Variants in KIAA1549L observed in about 807,000 individuals in gnomAD.
The protein encoded by KIAA1549L is KIAA1549 like, also known as UPF0606 protein KIAA1549L.
KIAA1549L carries 88 observed loss-of-function variants against 160.7 expected under a neutral mutation model. That is an observed-to-expected ratio of 0.55 (90% confidence interval 0.46 to 0.65). The LOEUF (loss-of-function observed/expected upper bound fraction) is 0.65, where lower values mean the gene tolerates loss of function less well. Among genes scored for constraint, KIAA1549L ranks in the 30% least tolerant of loss-of-function variants. The probability of loss-of-function intolerance (pLI) is 0.00; values close to 1 mark genes in which losing one functional copy is unlikely to be tolerated. For missense variants in KIAA1549L, 2,258 were observed against 2,437.5 expected (o/e 0.93, Z 1.55); for synonymous variants, 950 against 976.7 (o/e 0.97, Z 0.51).
chr11:33,402,812 C>A (rs1238524633), intron 1 of KIAA1549L, among the ~76,000 whole-genome samples: 2 of 150,948 alleles, frequency 1.3e-5, no homozygotes, highest in Non-Finnish European at 2.9e-5. Flanking sequence ...CTCCTGCCAC[C>A]CCCCCTAGCT....
chr11:33,432,912 A>G (rs1851279401), intron 1 of KIAA1549L, among the ~76,000 whole-genome samples: 1 of 152,254 alleles, frequency 6.6e-6, no homozygotes, highest in African/African-American at 2.4e-5. Flanking sequence ...CCCCTTCCTT[A>G]TACCTTATGC....
chr11:33,532,538 G>A (rs1853797870), intron 1 of KIAA1549L, among the ~76,000 whole-genome samples: 3 of 152,178 alleles, frequency 2.0e-5, no homozygotes. Context: ...TACAGATAAG[G>A]AAACTGGCAC....
chr11:33,579,213 G>A (rs1855555474), intron 10 of KIAA1549L, among the ~76,000 whole-genome samples: 1 of 152,164 alleles, frequency 6.6e-6, no homozygotes, highest in Non-Finnish European at 1.5e-5. Flanking sequence ...GAGATTAAAA[G>A]AGATAATTGT....
At chr11:33,646,181 A>G in intron 17 of KIAA1549L, 145 bp downstream of exon 17, 1 of 665,004 alleles carries the variant, frequency 1.5e-6, no homozygotes, top group Non-Finnish European at 2.6e-6. Context: ...CCATCATCCC[A>G]TCTTCCACCC....
At chr11:33,492,380 A>G (rs537683881) in intron 1 of KIAA1549L, among the ~76,000 whole-genome samples, 7 of 152,134 alleles carry the variant, frequency 4.6e-5, no homozygotes, top group Non-Finnish European at 1.0e-4. Flanking sequence ...AAAACCCCAA[A>G]AAGAACAATT....
At position 33,583,452 on chromosome 11, in the gene KIAA1549L, A is replaced by G; in HGVS notation, c.4517A>G (p.Lys1506Arg). Residue 1506 changes from lysine (K) to arginine (R), a missense_variant, in exon 11 of 21, where the codon AAG becomes AGG. Around this residue, in one of 6 missense-constraint regions of KIAA1549L, gnomAD observed 1,359 missense variants for 1,546.6 expected, o/e 0.88. Transcript: ENST00000658780. ...ACTGCCGTGCTCTGCAGGAAGAACAAGAACGACTTCAAGCCTGACACCATG... is the reference window on the plus strand; with the variant it reads ...ACTGCCGTGCTCTGCAGGAAGAACAGGAACGACTTCAAGCCTGACACCATG... ...IITAVLCRKNKNDFKPDTMIN... is the reference protein window; with the variant it reads ...IITAVLCRKNRNDFKPDTMIN... The G allele has an allele frequency of 1.9e-6, 3 of 1,588,076 alleles. No individual in the cohort carries two copies. In the South Asian group the frequency reaches 3.5e-5, roughly 18 times the overall value.
intron 1 of KIAA1549L, among the ~76,000 whole-genome samples, chr11:33,393,964 CT>C (rs1310214812): frequency 6.6e-6 from 1 of 152,140 alleles, no homozygotes; most frequent in Non-Finnish European, 1.5e-5. Context: ...CTCTTTAAAC[CT>C]TTTTGACCAT....
chr11:33,598,384 A>G (rs1163944808), intron 12 of KIAA1549L, among the ~76,000 whole-genome samples: 2 of 152,232 alleles, frequency 1.3e-5, no homozygotes, highest in Non-Finnish European at 2.9e-5. Flanking sequence ...GTCAAAGTCT[A>G]TGTGGTAAAG....
chr11:33,551,246 C>A lies in KIAA1549L; in HGVS notation c.3708C>A (p.Phe1236Leu). 6.2e-7 allele frequency: 1 copy of A among 1,612,994 alleles called. No individual in the cohort carries two copies. The highest frequency in any genetic ancestry group is 8.5e-7 in the Non-Finnish European group (1 of 1,179,752). Residue 1236 changes from phenylalanine to leucine, a missense_variant, in exon 5 of 21, where the codon TTC (phenylalanine) becomes TTA (leucine). Physicochemically the swap from Phe to Leu is conservative, Grantham distance 22. Coordinates refer to ENST00000658780, the MANE Select transcript of KIAA1549L (RefSeq NM_012194.3). ...SPWNPQPAGYFQLKTVLQFVS... is the reference protein window; with the variant it reads ...SPWNPQPAGYLQLKTVLQFVS... ...GGAATCCCCAGCCTGCAGGCTACTT[C>A]CAGCTAAAAACAGGCAAGTGACTCG...
intron 1 of KIAA1549L, among the ~76,000 whole-genome samples, chr11:33,535,104 G>A (rs1423400325): frequency 6.6e-6 from 1 of 152,144 alleles, no homozygotes; most frequent in Non-Finnish European, 1.5e-5. Flanking sequence ...CCACTTCCAA[G>A]CTCACTCAGG....
In KIAA1549L at chr11:33,586,865, T is replaced by A. The variant is rs2133277149; in HGVS notation, c.4566+3364T>A. 2.0e-5 allele frequency among the ~76,000 whole-genome samples: 3 copies of A among 152,298 alleles called. No homozygotes were observed. In the South Asian group the frequency reaches 6.2e-4, roughly 32 times the overall value. Reference sequence around the variant, plus strand: ...TAATACCTACCTTCTTGAACTATAGTGAAGATGCAATGAGAAAAGTTATGT... The same window carrying A: ...TAATACCTACCTTCTTGAACTATAGAGAAGATGCAATGAGAAAAGTTATGT... On this transcript the variant is annotated intron_variant, in intron 11 of 20. Coordinates refer to ENST00000658780, the MANE Select transcript of KIAA1549L (RefSeq NM_012194.3).
intron 17 of KIAA1549L, among the ~76,000 whole-genome samples, chr11:33,646,399 T>C (rs1366503042): frequency 1.3e-5 from 2 of 152,186 alleles, no homozygotes; most frequent in African/African-American, 2.4e-5. Flanking sequence ...AGCCACATGC[T>C]AAGGGGTTGT....
At chr11:33,505,009 G>A (rs532821716) in intron 1 of KIAA1549L, among the ~76,000 whole-genome samples, 4 of 151,848 alleles carry the variant, frequency 2.6e-5, no homozygotes, top group East Asian at 2.0e-4. Context: ...CAAGCCATCC[G>A]CCTGCCTCAG....
chr11:33,437,594 T>C (rs2132937256), intron 1 of KIAA1549L, among the ~76,000 whole-genome samples: 1 of 152,330 alleles, frequency 6.6e-6, no homozygotes, highest in Admixed American at 6.5e-5. Context: ...GTTGTGAGGA[T>C]GAGAAATGTT....
chr11:33,628,740 A>G (rs576555598), intron 16 of KIAA1549L, among the ~76,000 whole-genome samples: 6 of 150,524 alleles, frequency 4.0e-5, no homozygotes, highest in Admixed American at 2.0e-4. Flanking sequence ...TCTTTATCCA[A>G]TTTGCCAGTC....
chr11:33,620,518 C>T (rs186466969), intron 16 of KIAA1549L, among the ~76,000 whole-genome samples: 4 of 152,316 alleles, frequency 2.6e-5, no homozygotes, highest in Admixed American at 1.3e-4. Context: ...CAACTGCTCA[C>T]TATAGACCAA....
At chr11:33,415,088 G>A (rs1850861800) in intron 1 of KIAA1549L, among the ~76,000 whole-genome samples, 1 of 151,416 alleles carries the variant, frequency 6.6e-6, no homozygotes, top group South Asian at 2.1e-4. Flanking sequence ...TGCATTATTG[G>A]TAAAACTGGT....
In KIAA1549L at chr11:33,544,987, G is replaced by A; in HGVS notation, c.2994G>A (p.Gly998=). The A allele has an allele frequency of 6.2e-7, 1 of 1,613,960 alleles. No homozygotes were observed. Among genetic ancestry groups the A allele is most frequent in the South Asian group, 1.1e-5 (1 of 91,074 alleles). ...CATCTGGCCCAAAGAGGACACCAGG[G>A]GCAGTCCATACAGCCTTCCCATTCA... ...KAASGPKRTP[G]AVHTAFPFTP... Residue 998 remains glycine, a synonymous_variant, in exon 3 of 21, where the codon GGG becomes GGA. Transcript: ENST00000658780.
Position 33,558,829 on chromosome 11 carries a change from T to G in KIAA1549L, c.3856-920T>G, listed in dbSNP as rs79971250. 6.7e-3 allele frequency among the ~76,000 whole-genome samples: 1,023 copies of G among 151,888 alleles called. 17 individuals carry two copies. Among genetic ancestry groups the G allele is most frequent in the African/African-American group, 0.024 (990 of 41,406 alleles). ...AACATACTCTATATTTCTGAATTCC[T>G]TTTTCTTTTCTTTTTTTTTTTTTTT... is the stretch of plus-strand genomic sequence containing the variant. On this transcript the variant is annotated intron_variant, in intron 6 of 20. Coordinates refer to ENST00000658780, the MANE Select transcript of KIAA1549L (RefSeq NM_012194.3).
Sources: allele counts gnomAD v4.1 joint callset (sites outside exome capture counted in the v4.1 genomes callset), GRCh38; gene constraint gnomAD v4.1.1; regional missense constraint gnomAD v4.1.1; transcripts MANE v1.5; gene names NCBI Gene and HGNC (gene_info 2026-07-23, HGNC 2026-07-21).